The following DCD variants were observed in gnomAD, a reference collection of about 807,000 sequenced individuals.
DCD encodes dermcidin, also known as diffusible survival/evasion peptide.
A neutral mutation model predicts 14.5 loss-of-function variants in DCD; 17 were observed. That is an observed-to-expected ratio of 1.18 (90% CI 0.81 to 1.76). DCD has a LOEUF of 1.76. DCD is among the 40% of genes most tolerant of loss of function. The probability of loss-of-function intolerance (pLI) is 0.00; values close to 1 mark genes in which losing one functional copy is unlikely to be tolerated. For missense variants in DCD, 139 were observed against 133.4 expected (o/e 1.04, Z -0.21); for synonymous variants, 64 against 54.0 (o/e 1.19, Z -0.82).
chr12:54,645,185 T>C lies in DCD; in HGVS notation c.277A>G (p.Ser93Gly), dbSNP rs1444955325. The change falls in exon 4 of 5, where the codon AGC (serine) becomes GGC (glycine). Residue 93 changes from serine (S) to glycine (G), a missense_variant. Transcript: ENST00000293371. ...GACATATACTCACCTTTACCCACGC[T>C]TTCTAGATCTTCGACTGCATCTTTT... ...LGKDAVEDLE[S>G]VGKGAVHDVK... The C allele has an allele frequency of 1.2e-6, 2 of 1,614,126 alleles. No homozygotes were observed. The highest frequency in any genetic ancestry group is 3.3e-5 in the Admixed American group (2 of 60,024).
chr12:54,644,644 T>TTA lies in DCD; in HGVS notation c.*68_*69insTA. The TTA allele has an allele frequency of 9.6e-7, 1 of 1,043,380 alleles. No individual in the cohort carries two copies. The highest frequency in any genetic ancestry group is 1.4e-6 in the Non-Finnish European group (1 of 719,964). The allele number at this position is 1,043,380 out of a possible 1,614,324, so 64.6% of individuals were successfully genotyped here. On this transcript the variant is annotated 3_prime_UTR_variant, in exon 5 of 5. Transcript: ENST00000293371. ...TTTAAATTTTTTTTTTTTTTTTTTTTTTTAGGTTTTAGGCTGAAGACGTAA... is the reference window on the plus strand; with the variant it reads ...TTTAAATTTTTTTTTTTTTTTTTTTTTATTTAGGTTTTAGGCTGAAGACGTAA...
rs760813549 is a variant in DCD at position 54,647,163 on chromosome 12, C to T, written c.59-4G>A. 1.0e-5 allele frequency: 16 copies of T among 1,561,746 alleles called. No homozygotes were observed. In the Admixed American group the frequency reaches 1.9e-4, roughly 19 times the overall value. On this transcript the variant is annotated splice_polypyrimidine_tract_variant and splice_region_variant and intron_variant, in intron 1 of 4. Coordinates refer to ENST00000293371, the MANE Select transcript of DCD (RefSeq NM_053283.4). ...GCAGAGGCGGCCTCTGGATCATCTG[C>T]AAAGGAGGGAACAGTGACCATGTCA... is the stretch of plus-strand genomic sequence containing the variant.
At chr12:54,644,947 C>T (rs770885111) in intron 4 of DCD, 191 bp from the exon 5 acceptor site, 1 of 1,549,014 alleles carries the variant, frequency 6.5e-7, no homozygotes, top group South Asian at 1.2e-5. Flanking sequence ...CTCTTCCCCA[C>T]CTTGGCAGGG....
Position 54,644,621 on chromosome 12 carries a change from T to A in DCD, c.*92A>T. The A allele has an allele frequency of 2.0e-6, 2 of 1,001,554 alleles. No individual in the cohort carries two copies. The highest frequency in any genetic ancestry group is 1.5e-6 in the Non-Finnish European group (1 of 679,252). 62.0% of individuals were successfully genotyped at this position (1,001,554 alleles called of 1,614,324 possible). On this transcript the variant is annotated 3_prime_UTR_variant, in exon 5 of 5. Transcript: ENST00000293371. Reference sequence around the variant, plus strand: ...GATGCTTTCAGTTTAATAGCTGTTTTAAATTTTTTTTTTTTTTTTTTTTTT... The same window carrying A: ...GATGCTTTCAGTTTAATAGCTGTTTAAAATTTTTTTTTTTTTTTTTTTTTT...
intron 2 of DCD, among the ~76,000 whole-genome samples, chr12:54,646,395 C>G (rs1565729078): frequency 6.6e-6 from 1 of 152,132 alleles, no homozygotes; most frequent in South Asian, 2.1e-4. Context: ...AATTAGATCT[C>G]TCTCTCAGGG....
At chr12:54,648,148 G>C (rs1013453228) in intron 1 of DCD, 98 bp downstream of exon 1, 144 of 1,360,662 alleles carry the variant, frequency 1.1e-4, no homozygotes, top group Non-Finnish European at 1.5e-4. Context: ...GACAGACTTG[G>C]GTGAACTGCC....
chr12:54,645,900 A>G (rs553894033), intron 2 of DCD, 193 bp from the exon 3 acceptor site: 126 of 589,286 alleles, frequency 2.1e-4, no homozygotes, highest in Non-Finnish European at 3.3e-4. Context: ...GCTGCCTCCA[A>G]GACTTTTCCT....
intron 2 of DCD, 72 bp downstream of exon 2, chr12:54,647,049 T>G: frequency 6.7e-7 from 1 of 1,483,442 alleles, no homozygotes; most frequent in Non-Finnish European, 9.1e-7. Flanking sequence ...CTTCTCTGAC[T>G]TCCTCCACTC....
At chr12:54,647,623 G>A (rs995436375) in intron 1 of DCD, among the ~76,000 whole-genome samples, 1 of 152,218 alleles carries the variant, frequency 6.6e-6, no homozygotes, top group Non-Finnish European at 1.5e-5. Context: ...TGGTGTTAGA[G>A]GCTAGAGATA....
intron 2 of DCD, 73 bp from the exon 3 acceptor site, chr12:54,645,780 C>A: frequency 7.9e-7 from 1 of 1,258,750 alleles, no homozygotes. Context: ...GCAGGTGGTG[C>A]TTTTACCCCC....
At chr12:54,646,485 C>G (rs4759095) in intron 2 of DCD, among the ~76,000 whole-genome samples, 27,451 of 151,946 alleles carry the variant, frequency 0.18, 2,928 homozygotes, top group East Asian at 0.44. Flanking sequence ...GAGACTGGGA[C>G]AGAGGCACCA....
intron 2 of DCD, among the ~76,000 whole-genome samples, chr12:54,646,399 C>T (rs1215247627): frequency 6.6e-6 from 1 of 152,106 alleles, no homozygotes; most frequent in Non-Finnish European, 1.5e-5. Context: ...AGATCTCTCT[C>T]TCAGGGGCTT....
chr12:54,645,668 C>T lies in DCD; in HGVS notation c.137G>A (p.Gly46Asp). 1 of 1,614,150 alleles carries T rather than the reference C, an allele frequency of 6.2e-7. No individual in the cohort carries two copies. The highest frequency in any genetic ancestry group is 8.5e-7 in the Non-Finnish European group (1 of 1,180,000). The change falls in exon 3 of 5, where the codon GGT (glycine) becomes GAT (aspartate). Residue 46 changes from glycine to aspartate, a missense_variant. By Grantham distance (94) the Gly-to-Asp change is moderately conservative. Coordinates refer to ENST00000293371, the MANE Select transcript of DCD (RefSeq NM_053283.4). ...CTGTCTGGCTAACCCTGGGTCTTCA[C>T]CTGCATTTTCCTTTTGAGCTGCTGA... The part of the protein sequence containing the change: ...EASAAQKENA[G>D]EDPGLARQAP...
At chr12:54,647,766 G>A (rs987833415) in intron 1 of DCD, among the ~76,000 whole-genome samples, 16 of 152,176 alleles carry the variant, frequency 1.1e-4, no homozygotes, top group Admixed American at 1.0e-3. Flanking sequence ...GAAAAATACA[G>A]GAGGCAAGAA....
intron 2 of DCD, chr12:54,646,082 T>C (rs1958258630): frequency 2.2e-6 from 1 of 458,114 alleles, no homozygotes; most frequent in African/African-American, 2.0e-5. Flanking sequence ...GGCAGGTTGG[T>C]GGATGAGGAC....
At chr12:54,645,558 TG>T in intron 3 of DCD, 47 bp downstream of exon 3, 1 of 1,519,508 alleles carries the variant, frequency 6.6e-7, no homozygotes, top group Non-Finnish European at 9.1e-7. Context: ...GATATCTTGC[TG>T]TTTCATGCAT....
chr12:54,647,295 T>A (rs903768), intron 1 of DCD, 136 bp from the exon 2 acceptor site: 556,331 of 774,680 alleles, frequency 0.72, 201,647 homozygotes, highest in African/African-American at 0.79. Flanking sequence ...AATCTCTGCT[T>A]CACAAGGGGC....
chr12:54,647,658 T>A (rs1363178830), intron 1 of DCD, among the ~76,000 whole-genome samples: 1 of 152,184 alleles, frequency 6.6e-6, no homozygotes. Context: ...ACAGACAGTG[T>A]AATTGCTCGG....
chr12:54,644,738 T>G lies in DCD; in HGVS notation c.308A>C (p.Lys103Thr). The change falls in exon 5 of 5, where the codon AAA becomes ACA. Residue 103 changes from lysine to threonine, a missense_variant. Physicochemically the swap from Lys to Thr is moderately conservative, Grantham distance 78. Transcript: ENST00000293371. ...CTATAGTACTGAGTCAAGGACGTCT[T>G]TAACGTCATGGACGGCTCCTAGGAC... is the stretch of plus-strand genomic sequence containing the variant. ...SVGKGAVHDV[K>T]DVLDSVL The G allele has an allele frequency of 6.2e-7, 1 of 1,608,958 alleles. No homozygotes were observed. Among genetic ancestry groups the G allele is most frequent in the Non-Finnish European group, 8.5e-7 (1 of 1,177,178 alleles).
Sources: gnomAD v4.1 joint callset for allele counts (sites outside exome capture counted in the v4.1 genomes callset) on GRCh38, gnomAD v4.1.1 for gene constraint, MANE v1.5 for transcripts, NCBI Gene and HGNC (gene_info 2026-07-23, HGNC 2026-07-21) for gene names.